Variants in LRRC8B observed in about 807,000 individuals in gnomAD.
LRRC8B encodes volume-regulated anion channel subunit LRRC8B.
A neutral mutation model predicts 58.8 loss-of-function variants in LRRC8B; 23 were observed. The observed-to-expected ratio is 0.39, with a 90% CI of 0.28 to 0.55. The LOEUF (loss-of-function observed/expected upper bound fraction) is 0.55, where lower values mean the gene tolerates loss of function less well. LRRC8B is among the 20% of genes least tolerant of loss of function. The pLI is 0.62. For missense variants in LRRC8B, 694 were observed against 936.0 expected (o/e 0.74, Z 3.37); for synonymous variants, 359 against 374.1 (o/e 0.96, Z 0.47).
At chr1:89,556,818 C>T (rs1486094117) in intron 1 of LRRC8B, among the ~76,000 whole-genome samples, 7 of 152,204 alleles carry the variant, frequency 4.6e-5, no homozygotes, top group African/African-American at 1.4e-4. Context: ...TCATAAGTGA[C>T]ATAAGAGCTT....
intron 3 of LRRC8B, among the ~76,000 whole-genome samples, chr1:89,575,900 A>G (rs1213515172): frequency 6.6e-6 from 1 of 152,198 alleles, no homozygotes; most frequent in Non-Finnish European, 1.5e-5. Flanking sequence ...AACATATTGT[A>G]AACTTTAGCC....
intron 1 of LRRC8B, among the ~76,000 whole-genome samples, chr1:89,540,933 T>C (rs2100836754): frequency 1.3e-5 from 2 of 152,362 alleles, no homozygotes; most frequent in South Asian, 4.1e-4. Flanking sequence ...TTTACTAGTT[T>C]TACTATAGCT....
chr1:89,541,145 CTT>C, intron 1 of LRRC8B, among the ~76,000 whole-genome samples: 1 of 152,344 alleles, frequency 6.6e-6, no homozygotes, highest in Non-Finnish European at 1.5e-5. Flanking sequence ...AATAATGACA[CTT>C]TGCACAGGAG....
intron 1 of LRRC8B, among the ~76,000 whole-genome samples, chr1:89,566,893 G>T (rs1435660240): frequency 6.6e-6 from 1 of 152,202 alleles, no homozygotes; most frequent in Non-Finnish European, 1.5e-5. Context: ...ATTTGAGAAA[G>T]AAGAGAATTC....
chr1:89,559,489 C>T (rs1314269824), intron 1 of LRRC8B, among the ~76,000 whole-genome samples: 1 of 151,674 alleles, frequency 6.6e-6, no homozygotes, highest in East Asian at 1.9e-4. Flanking sequence ...TAAAAAATAG[C>T]TGGGTATGGT....
chr1:89,538,166 C>T (rs762622225), intron 1 of LRRC8B, among the ~76,000 whole-genome samples: 1 of 152,092 alleles, frequency 6.6e-6, no homozygotes, highest in Non-Finnish European at 1.5e-5. Context: ...GCCTGTAATC[C>T]CAGCTACTCA....
At chr1:89,567,892 C>T (rs944254695) in intron 1 of LRRC8B, among the ~76,000 whole-genome samples, 1 of 152,038 alleles carries the variant, frequency 6.6e-6, no homozygotes, top group African/African-American at 2.4e-5. Context: ...CTTAAAGAAA[C>T]TTCATAGCAG....
At chr1:89,527,667 C>G (rs572809876) in intron 1 of LRRC8B, among the ~76,000 whole-genome samples, 27 of 152,264 alleles carry the variant, frequency 1.8e-4, no homozygotes, top group Non-Finnish European at 2.9e-4. Flanking sequence ...ATTTTCTAAA[C>G]TTCCTACATG....
Position 89,584,275 on chromosome 1 carries a change from C to T in LRRC8B, c.1625C>T (p.Thr542Ile). The change falls in exon 5 of 6, where the codon ACC becomes ATC. Residue 542 changes from threonine (T) to isoleucine (I), a missense_variant. Around this residue, in one of 5 missense-constraint regions of LRRC8B, gnomAD observed 162 missense variants for 198.5 expected, o/e 0.82. Coordinates refer to ENST00000330947, the MANE Select transcript of LRRC8B (RefSeq NM_001369817.2). ...TTTCAGGACTTAAAAAATCTAAGGA[C>T]CCTGTACTTGAAGAGCAGCCTCTCC... ...EGFQDLKNLR[T>I]LYLKSSLSRI... 6.2e-7 allele frequency: 1 copy of T among 1,613,828 alleles called. No homozygotes were observed. Among genetic ancestry groups the T allele is most frequent in the Non-Finnish European group, 8.5e-7 (1 of 1,180,030 alleles).
rs1343826466 is a variant in LRRC8B, at chr1:89,593,521, A to G, written c.*478A>G. Reference sequence around the variant, plus strand: ...CTGAGTGTCTAGCCCTAAATTAACCAGGTAAAAACTGTTAACACTAACCTG... The same window carrying G: ...CTGAGTGTCTAGCCCTAAATTAACCGGGTAAAAACTGTTAACACTAACCTG... On this transcript the variant is annotated 3_prime_UTR_variant, in exon 6 of 6. Coordinates refer to ENST00000330947, the MANE Select transcript of LRRC8B (RefSeq NM_001369817.2). 6.5e-6 allele frequency: 1 copy of G among 153,798 alleles called. No individual in the cohort carries two copies. Among genetic ancestry groups the G allele is most frequent in the Non-Finnish European group, 1.4e-5 (1 of 69,042 alleles). The allele number at this position is 153,798 out of a possible 1,614,324, so 9.5% of individuals were successfully genotyped here.
At chr1:89,569,153 A>G (rs937604929) in intron 3 of LRRC8B, among the ~76,000 whole-genome samples, 1 of 152,144 alleles carries the variant, frequency 6.6e-6, no homozygotes, top group Non-Finnish European at 1.5e-5. Flanking sequence ...CTGAACATAT[A>G]GTCTAGGTGA....
At chr1:89,552,993 T>C (rs1449818827) in intron 1 of LRRC8B, among the ~76,000 whole-genome samples, 1 of 152,242 alleles carries the variant, frequency 6.6e-6, no homozygotes, top group East Asian at 1.9e-4. Flanking sequence ...TATGATCATA[T>C]TTGGTTTCAC....
At chr1:89,580,089 T>TG (rs1654112408) in intron 4 of LRRC8B, among the ~76,000 whole-genome samples, 2 of 152,362 alleles carry the variant, frequency 1.3e-5, no homozygotes, top group Admixed American at 1.3e-4. Flanking sequence ...TCCATCTACC[T>TG]GGTTCTACCT....
chr1:89,531,380 T>C (rs1193136985), intron 1 of LRRC8B, among the ~76,000 whole-genome samples: 1 of 152,124 alleles, frequency 6.6e-6, no homozygotes, highest in Non-Finnish European at 1.5e-5. Flanking sequence ...CTCAAAGAAA[T>C]GGCCAGATGG....
At chr1:89,543,662 ATT>A (rs562431386) in intron 1 of LRRC8B, among the ~76,000 whole-genome samples, 2 of 145,586 alleles carry the variant, frequency 1.4e-5, no homozygotes. Flanking sequence ...GCCCTGGCTA[ATT>A]TTTTTTTTTT....
intron 1 of LRRC8B, among the ~76,000 whole-genome samples, chr1:89,541,449 C>T (rs900564257): frequency 2.6e-5 from 4 of 152,010 alleles, no homozygotes; most frequent in East Asian, 3.9e-4. Flanking sequence ...CGGTGGCTCA[C>T]GCCTGTAATC....
chr1:89,537,766 C>T (rs1650644532), intron 1 of LRRC8B, among the ~76,000 whole-genome samples: 1 of 152,138 alleles, frequency 6.6e-6, no homozygotes, highest in East Asian at 1.9e-4. Flanking sequence ...AGCCACCACG[C>T]CTATCCAGGA....
chr1:89,582,689 C>A lies in LRRC8B; in HGVS notation c.39C>A (p.Ala13=), dbSNP rs12130207. The change falls in exon 5 of 6, where the codon GCC becomes GCA. Residue 13 remains alanine (A), a synonymous_variant. Coordinates refer to ENST00000330947, the MANE Select transcript of LRRC8B (RefSeq NM_001369817.2). ...CTGAGCTAAAATGCTTAGCAGATGC[C>A]CAGTCATCTTATCACATCTTAAAAC... is the stretch of plus-strand genomic sequence containing the variant. The part of the protein sequence containing the change: ...TLTELKCLAD[A]QSSYHILKPW... The A allele has an allele frequency of 2.9e-5, 47 of 1,613,746 alleles. No homozygotes were observed. In the Middle Eastern group the frequency reaches 5.0e-4, roughly 17 times the overall value.
chr1:89,583,518 TC>T lies in LRRC8B; in HGVS notation c.869del (p.Ser290Ter). ...LTHITLEIDCSVDVQAFTGYK... is the reference protein window; with the variant it reads ...LTHITLEIDCXVDVQAFTGYK... Reference sequence around the variant, plus strand: ...CCACATCACTCTTGAAATCGACTGTTCAGTTGATGTGCAGGCTTTTACAGGA... The same window carrying T: ...CCACATCACTCTTGAAATCGACTGTTAGTTGATGTGCAGGCTTTTACAGGA... On this transcript the variant is annotated frameshift_variant, in exon 5 of 6. Coordinates refer to ENST00000330947, the MANE Select transcript of LRRC8B (RefSeq NM_001369817.2). LOFTEE classifies it high-confidence loss of function. This position sits in a 1 kb window ranked among gnomAD's most constrained non-coding sequence, Gnocchi z 5.2. 6.2e-7 allele frequency: 1 copy of T among 1,613,330 alleles called. No individual in the cohort carries two copies. Among genetic ancestry groups the T allele is most frequent in the East Asian group, 2.2e-5 (1 of 44,884 alleles).
Sources: gnomAD v4.1 joint callset for allele counts (sites outside exome capture counted in the v4.1 genomes callset) on GRCh38, gnomAD v4.1.1 for gene constraint, gnomAD v4.1.1 regional missense constraint, Gnocchi (gnomAD v3.1) non-coding constraint, MANE v1.5 for transcripts, NCBI Gene and HGNC (gene_info 2026-07-23, HGNC 2026-07-21) for gene names.